Variants in STK10 observed in about 807,000 individuals in gnomAD.
STK10 encodes the protein serine/threonine-protein kinase 10.
In STK10, 78 loss-of-function variants were observed where a neutral mutation model predicts 113.8. The ratio of observed to expected loss-of-function variants is 0.69; its 90% CI spans 0.57 to 0.83. The LOEUF (loss-of-function observed/expected upper bound fraction) is 0.83, where lower values mean the gene tolerates loss of function less well. Among genes scored for constraint, STK10 ranks in the 40% least tolerant of loss-of-function variants. The pLI, the probability that STK10 is intolerant of heterozygous loss-of-function variation, is 0.00. For synonymous variants in STK10, 465 were observed against 494.7 expected (o/e 0.94, Z 0.80); for missense variants, 1,109 against 1,280.1 (o/e 0.87, Z 2.04).
At chr5:172,045,513 A>G (rs1434485889) in intron 18 of STK10, 1 of 447,730 alleles carries the variant, frequency 2.2e-6, no homozygotes, top group Non-Finnish European at 4.5e-6. Context: ...AAAACAAAAT[A>G]CACGTGCCTT....
chr5:172,157,629 C>T (rs986098417), intron 1 of STK10, among the ~76,000 whole-genome samples: 2 of 151,956 alleles, frequency 1.3e-5, no homozygotes, highest in South Asian at 2.1e-4. Flanking sequence ...CTCACTCTGT[C>T]GCCCAGGCTG....
rs1314492051 is a variant in STK10 at position 172,071,227 on chromosome 5, A to AG, written c.1990-6416_1990-6415insC. On this transcript the variant is annotated intron_variant, in intron 12 of 18. Transcript: ENST00000176763. ...CTCTCTATCTCAAAAAAAAAAAAAA[A>AG]AAAAAAAAAAAAAAGAAATAGGTAT... Among the ~76,000 whole-genome samples, 1,161 of 146,822 alleles carry AG rather than the reference A, an allele frequency of 7.9e-3. 39 individuals carry two copies. The highest frequency in any genetic ancestry group is 0.028 in the African/African-American group (1,082 of 39,244).
At chr5:172,186,552 G>T (rs1418178503) in intron 1 of STK10, among the ~76,000 whole-genome samples, 1 of 152,120 alleles carries the variant, frequency 6.6e-6, no homozygotes, top group Non-Finnish European at 1.5e-5. Flanking sequence ...AGCCCAGGAG[G>T]CAGAGGTTGC....
intron 2 of STK10, among the ~76,000 whole-genome samples, chr5:172,129,190 C>A (rs1376527551): frequency 6.6e-6 from 1 of 152,186 alleles, no homozygotes; most frequent in Non-Finnish European, 1.5e-5. Context: ...ATGCACGAAA[C>A]CACAGCAGAT....
intron 1 of STK10, among the ~76,000 whole-genome samples, chr5:172,158,023 C>T (rs1488463686): frequency 6.6e-6 from 1 of 152,148 alleles, no homozygotes; most frequent in East Asian, 1.9e-4. Context: ...TTCGTAGATG[C>T]ATGTCACCTA....
At chr5:172,115,264 CG>C (rs1769354297) in intron 4 of STK10, 1 of 152,242 alleles carries the variant, frequency 6.6e-6, no homozygotes. Flanking sequence ...CTGGGCCAAA[CG>C]GGGCCAGTCA....
intron 1 of STK10, among the ~76,000 whole-genome samples, chr5:172,165,991 C>T (rs1770565029): frequency 6.6e-6 from 1 of 152,150 alleles, no homozygotes; most frequent in Non-Finnish European, 1.5e-5. Context: ...CGGGGTTTCT[C>T]CATGTTGGTC....
At chr5:172,052,641 C>T (rs965514849) in intron 18 of STK10, among the ~76,000 whole-genome samples, 12 of 152,232 alleles carry the variant, frequency 7.9e-5, no homozygotes, top group Admixed American at 1.3e-4. Context: ...GGCCCAGCAG[C>T]GTGGCTGGTT....
chr5:172,044,687 C>G lies in STK10; in HGVS notation c.*195G>C. 2.5e-6 allele frequency: 2 copies of G among 789,668 alleles called. No individual in the cohort carries two copies. The highest frequency in any genetic ancestry group is 4.0e-6 in the Non-Finnish European group (2 of 494,404). The allele number at this position is 789,668 out of a possible 1,614,324, so 48.9% of individuals were successfully genotyped here. On this transcript the variant is annotated 3_prime_UTR_variant, in exon 19 of 19. Transcript: ENST00000176763. The surrounding 1 kb of genome is among the most constrained non-coding windows in gnomAD (Gnocchi z 4.5). Reference sequence around the variant, plus strand: ...AGGTGACAAATAATTACACCTCACCCTCCACAGGCCAGCAAGAAGTCAGGA... The same window carrying G: ...AGGTGACAAATAATTACACCTCACCGTCCACAGGCCAGCAAGAAGTCAGGA...
At chr5:172,085,651 T>G (rs537977367) in intron 10 of STK10, among the ~76,000 whole-genome samples, 1 of 147,616 alleles carries the variant, frequency 6.8e-6, no homozygotes, top group Non-Finnish European at 1.5e-5. Flanking sequence ...ATCACACCAC[T>G]GCACTCCAGC....
intron 18 of STK10, among the ~76,000 whole-genome samples, chr5:172,051,951 C>A (rs1279118163): frequency 6.6e-6 from 1 of 152,164 alleles, no homozygotes; most frequent in Non-Finnish European, 1.5e-5. Flanking sequence ...AGATGTGGGA[C>A]TGAGCGAGGG....
intron 10 of STK10, among the ~76,000 whole-genome samples, chr5:172,088,438 C>T (rs1185428984): frequency 4.6e-5 from 7 of 152,070 alleles, no homozygotes; most frequent in African/African-American, 7.2e-5. Flanking sequence ...GCAAGAGAAT[C>T]GCTTGAACCC....
chr5:172,095,382 C>T (rs1323011000), intron 8 of STK10, among the ~76,000 whole-genome samples: 1 of 152,232 alleles, frequency 6.6e-6, no homozygotes, highest in African/African-American at 2.4e-5. Flanking sequence ...GACAATGAGG[C>T]CAGGTGTGAG....
rs1769481733 is a variant in STK10, at chr5:172,120,220, A to G, written c.371-2590T>C. On this transcript the variant is annotated intron_variant, in intron 3 of 18. Coordinates refer to ENST00000176763, the MANE Select transcript of STK10 (RefSeq NM_005990.4). The surrounding 1 kb of genome is among the most constrained non-coding windows in gnomAD (Gnocchi z 4.0). ...TGTCGGCTTCTAAGCCTGGTCACCA[A>G]AGGGCACTGCTCCGAGTCTTCCCTC... 6.6e-6 allele frequency among the ~76,000 whole-genome samples: 1 copy of G among 152,116 alleles called. No homozygotes were observed. The highest frequency in any genetic ancestry group is 1.5e-5 in the Non-Finnish European group (1 of 67,998).
intron 14 of STK10, among the ~76,000 whole-genome samples, chr5:172,058,978 C>A (rs1030295667): frequency 2.0e-5 from 3 of 152,012 alleles, no homozygotes; most frequent in Non-Finnish European, 2.9e-5. Flanking sequence ...AATCCTAGCA[C>A]TTTGGGAGGC....
rs961449852 is a variant in STK10 at position 172,107,808 on chromosome 5, G to C, written c.565C>G (p.Arg189Gly). 6.2e-7 allele frequency: 1 copy of C among 1,614,106 alleles called. No individual in the cohort carries two copies. Among genetic ancestry groups the C allele is most frequent in the Admixed American group, 1.7e-5 (1 of 60,006 alleles). ...TAAGGCGTGCCGATGAAGGAATCTC[G>C]TTTCTGTAGAGTCTTCAGATTCTTG... Reference protein sequence around the residue: ...SAKNLKTLQKRDSFIGTPYWM... With the variant: ...SAKNLKTLQKGDSFIGTPYWM... The change falls in exon 5 of 19, where the codon CGA becomes GGA. Residue 189 changes from arginine (R) to glycine (G), a missense_variant. Around this residue, in one of 5 missense-constraint regions of STK10, gnomAD observed 44 missense variants for 84.4 expected, o/e 0.52. Transcript: ENST00000176763.
At chr5:172,151,118 T>G (rs1264253987) in intron 2 of STK10, among the ~76,000 whole-genome samples, 2 of 152,222 alleles carry the variant, frequency 1.3e-5, no homozygotes, top group African/African-American at 4.8e-5. Flanking sequence ...CTTACCGAAG[T>G]TTCTGTGTGC....
intron 17 of STK10, among the ~76,000 whole-genome samples, chr5:172,054,196 A>G (rs1454748024): frequency 6.6e-6 from 1 of 152,136 alleles, no homozygotes; most frequent in Non-Finnish European, 1.5e-5. Flanking sequence ...TACCACAGCA[A>G]AAGCAGCCCA....
At chr5:172,108,057 G>C (rs1163227240) in intron 4 of STK10, 12 of 484,588 alleles carry the variant, frequency 2.5e-5, no homozygotes, top group Non-Finnish European at 4.4e-5. Flanking sequence ...ACGAGAGCCT[G>C]CACTGGCAGC....
Sources: gnomAD v4.1 joint callset for allele counts (sites outside exome capture counted in the v4.1 genomes callset) on GRCh38, gnomAD v4.1.1 for gene constraint, gnomAD v4.1.1 regional missense constraint, Gnocchi (gnomAD v3.1) non-coding constraint, MANE v1.5 for transcripts, NCBI Gene and HGNC (gene_info 2026-07-23, HGNC 2026-07-21) for gene names.